Variants in ZNF717 observed in about 807,000 individuals in gnomAD.
ZNF717 encodes krueppel-like factor X17.
ZNF717 carries 9 observed loss-of-function variants against 13.8 expected under a neutral mutation model. That is an observed-to-expected ratio of 0.65 (90% CI 0.39 to 1.14). The LOEUF (loss-of-function observed/expected upper bound fraction) is 1.14, where lower values mean the gene tolerates loss of function less well. Ranked by LOEUF, ZNF717 falls within the 50% of genes most tolerant of loss-of-function variation. The pLI, the probability that ZNF717 is intolerant of heterozygous loss-of-function variation, is 0.01. For synonymous variants in ZNF717, 327 were observed against 364.1 expected (o/e 0.90, Z 1.16); for missense variants, 1,040 against 1,080.7 (o/e 0.96, Z 0.53).
chr3:75,739,644 T>A (rs1940093649), intron 4 of ZNF717, among the ~76,000 whole-genome samples: 2 of 151,092 alleles, frequency 1.3e-5, no homozygotes, highest in Non-Finnish European at 2.9e-5. Flanking sequence ...TAGGTTTTAA[T>A]AAGTGCTCAT....
intron 2 of ZNF717, among the ~76,000 whole-genome samples, chr3:75,779,038 T>C (rs1397436844): frequency 6.9e-6 from 1 of 144,548 alleles, no homozygotes; most frequent in Non-Finnish European, 1.5e-5. Context: ...CCCAAAACAA[T>C]GGGAGTGATG....
rs373938271 is a variant in ZNF717, at chr3:75,712,359, CTTG to C, written n.668-1046_668-1044del. 7.2e-5 allele frequency among the ~76,000 whole-genome samples: 11 copies of C among 152,332 alleles called. No individual in the cohort carries two copies. The East Asian group carries it at 1.9e-3, about 27-fold the overall frequency. On this transcript the variant is annotated intron_variant and non_coding_transcript_variant, in intron 5 of 5. Coordinates refer to the ZNF717 transcript ENST00000491507. Reference sequence around the variant, plus strand: ...AACTAAATCAATACTTTAAGAAAACCTTGTTGTTCTAACATAGGGGACCACAGT... The same window carrying C: ...AACTAAATCAATACTTTAAGAAAACCTTGTTCTAACATAGGGGACCACAGT...
At chr3:75,701,484 G>T (rs1188184158) in intron 6 of ZNF717, among the ~76,000 whole-genome samples, 2 of 152,308 alleles carry the variant, frequency 1.3e-5, no homozygotes, top group African/African-American at 4.8e-5. Context: ...GCCTGGCCAA[G>T]ATGGTGAAAC....
intron 2 of ZNF717, among the ~76,000 whole-genome samples, chr3:75,761,018 T>C (rs1247119872): frequency 6.6e-6 from 1 of 152,114 alleles, no homozygotes. Flanking sequence ...GCAAACCATA[T>C]GCCACAAAAC....
chr3:75,733,778 C>CAAA (rs56196464), downstream of ZNF717, among the ~76,000 whole-genome samples: 100 of 26,646 alleles, frequency 3.8e-3, 12 homozygotes, highest in East Asian at 0.094. Context: ...GACTCTATCT[C>CAAA]AAAAAAAAAA....
At chr3:75,776,085 C>G (rs1944295716) in intron 2 of ZNF717, among the ~76,000 whole-genome samples, 1 of 152,236 alleles carries the variant, frequency 6.6e-6, no homozygotes, top group African/African-American at 2.4e-5. Context: ...TTTGGAGAAA[C>G]AGCTGGTATT....
chr3:75,715,147 T>C (rs1453534475), intron 5 of ZNF717, among the ~76,000 whole-genome samples: 1 of 152,234 alleles, frequency 6.6e-6, no homozygotes, highest in Non-Finnish European at 1.5e-5. Flanking sequence ...GCAGTTTCCA[T>C]GGCAGTTTGA....
exon 6 of ZNF717, chr3:75,710,751 T>C (rs1443391408): frequency 1.3e-5 from 2 of 152,136 alleles, no homozygotes; most frequent in Non-Finnish European, 2.9e-5. Flanking sequence ...TGCCTTTAGT[T>C]GGAGAGTTGT....
chr3:75,744,012 A>G (rs1199427009), intron 2 of ZNF717, among the ~76,000 whole-genome samples: 4 of 152,246 alleles, frequency 2.6e-5, no homozygotes, highest in Admixed American at 6.5e-5. Flanking sequence ...TGGTACCTGA[A>G]TCCATCAGAC....
chr3:75,698,153 A>G (rs80276458), intron 6 of ZNF717, among the ~76,000 whole-genome samples: 1 of 2,200 alleles, frequency 4.5e-4, no homozygotes, highest in Non-Finnish European at 1.4e-3. Flanking sequence ...TCTAGCAAAA[A>G]AAAAAAAAAA....
intron 4 of ZNF717, among the ~76,000 whole-genome samples, chr3:75,723,160 CAG>C (rs1938201355): frequency 6.6e-6 from 1 of 151,792 alleles, no homozygotes; most frequent in Non-Finnish European, 1.5e-5. Context: ...TTCAAGAACG[CAG>C]ATACGTTTTC....
At chr3:75,734,815 A>ATTTTTT (rs1469622349), downstream of ZNF717, among the ~76,000 whole-genome samples, 17 of 43,234 alleles carry the variant, frequency 3.9e-4, no homozygotes, top group Admixed American at 6.5e-4. Flanking sequence ...ATATATATAT[A>ATTTTTT]TATTTTTTTT....
chr3:75,745,152 TG>T lies in ZNF717; in HGVS notation c.58-3417del, dbSNP rs1941009880. On this transcript the variant is annotated intron_variant, in intron 2 of 4. Coordinates refer to ENST00000652011, the MANE Select transcript of ZNF717 (RefSeq NM_001290208.3). ...CCCTCACAACACTGCTGCTGTGGTC[TG>T]TTGTTTTTTTTTTTCTTTCTGTCTT... Among the ~76,000 whole-genome samples, 22 of 80,786 alleles carry T rather than the reference TG, an allele frequency of 2.7e-4. No individual in the cohort carries two copies. The East Asian group carries it at 5.9e-3, about 22-fold the overall frequency. The allele number at this position is 80,786 out of a possible 152,430, so 53.0% of individuals were successfully genotyped here. A position where few individuals can be genotyped will look rare whatever the true frequency, so the allele number is the denominator to read the frequency against.
At chr3:75,726,306 G>T (rs1938278963), downstream of ZNF717, among the ~76,000 whole-genome samples, 2 of 152,260 alleles carry the variant, frequency 1.3e-5, no homozygotes, top group African/African-American at 4.8e-5. Flanking sequence ...CAGAGAGAGA[G>T]ACTTTGCTTC....
intron 4 of ZNF717, among the ~76,000 whole-genome samples, chr3:75,717,491 G>A (rs1339583649): frequency 2.0e-5 from 3 of 152,214 alleles, no homozygotes; most frequent in Non-Finnish European, 4.4e-5. Context: ...TGGAAAGAAT[G>A]CTGTTGGTGT....
intron 2 of ZNF717, among the ~76,000 whole-genome samples, chr3:75,748,210 C>CA (rs1458506971): frequency 6.6e-6 from 1 of 152,060 alleles, no homozygotes; most frequent in Non-Finnish European, 1.5e-5. Flanking sequence ...GCTTACCAAC[C>CA]AAAAAGAGTC....
At chr3:75,746,128 G>GT (rs1429754111) in intron 2 of ZNF717, among the ~76,000 whole-genome samples, 2 of 152,074 alleles carry the variant, frequency 1.3e-5, no homozygotes, top group African/African-American at 2.4e-5. Flanking sequence ...GTGGTGTTTG[G>GT]TTTTTTGTCC....
chr3:75,780,203 G>A (rs1944703746), intron 2 of ZNF717, among the ~76,000 whole-genome samples: 2 of 151,580 alleles, frequency 1.3e-5, no homozygotes, highest in African/African-American at 4.8e-5. Context: ...GGAGTGACGT[G>A]CTAAAACCGG....
downstream of ZNF717, among the ~76,000 whole-genome samples, chr3:75,704,980 T>A (rs1195022597): frequency 1.3e-5 from 2 of 152,304 alleles, no homozygotes; most frequent in African/African-American, 2.4e-5. Flanking sequence ...CCCTACATGA[T>A]AAGATCAGAT....
Sources: gnomAD v4.1 joint callset for allele counts (sites outside exome capture counted in the v4.1 genomes callset) on GRCh38, gnomAD v4.1.1 for gene constraint, MANE v1.5 for transcripts, NCBI Gene and HGNC (gene_info 2026-07-23, HGNC 2026-07-21) for gene names.